Variants in GALNT18 observed in about 807,000 individuals in gnomAD.
The protein encoded by GALNT18 is polypeptide N-acetylgalactosaminyltransferase 18.
Under a neutral mutation model 69.5 loss-of-function variants are expected in GALNT18, and 44 were observed. That is an observed-to-expected ratio of 0.63 (90% CI 0.50 to 0.81). GALNT18 has a LOEUF of 0.81. GALNT18 is among the 40% of genes least tolerant of loss of function. The pLI, the probability that GALNT18 is intolerant of heterozygous loss-of-function variation, is 0.00. For missense variants in GALNT18, 715 were observed against 810.0 expected (o/e 0.88, Z 1.42); for synonymous variants, 364 against 318.2 (o/e 1.14, Z -1.53).
rs1589979588 is a variant in GALNT18 at position 11,411,454 on chromosome 11, T to C, written c.595+21167A>G. Among the ~76,000 whole-genome samples, 3 of 152,216 alleles carry C rather than the reference T, an allele frequency of 2.0e-5. No homozygotes were observed. In the East Asian group the frequency reaches 5.8e-4, roughly 29 times the overall value. On this transcript the variant is annotated intron_variant, in intron 3 of 10. Coordinates refer to ENST00000227756, the MANE Select transcript of GALNT18 (RefSeq NM_198516.3). ...CTGCTTCTTTTAGGCTCCCACAGAATCTAGTACAGCTCTGGGCTCCACGGG... is the reference window on the plus strand; with the variant it reads ...CTGCTTCTTTTAGGCTCCCACAGAACCTAGTACAGCTCTGGGCTCCACGGG...
intron 1 of GALNT18, among the ~76,000 whole-genome samples, chr11:11,577,478 C>T (rs984044348): frequency 7.9e-5 from 12 of 152,200 alleles, no homozygotes; most frequent in African/African-American, 2.9e-4. Flanking sequence ...GGAAGCCACT[C>T]ACACACTGCA....
chr11:11,610,543 G>T (rs889872592), intron 1 of GALNT18, among the ~76,000 whole-genome samples: 10 of 151,818 alleles, frequency 6.6e-5, no homozygotes, highest in South Asian at 2.1e-4. Flanking sequence ...TTCCTCACTG[G>T]TTTTTTTTCC....
intron 6 of GALNT18, among the ~76,000 whole-genome samples, chr11:11,371,471 T>A (rs930332511): frequency 6.6e-6 from 1 of 152,194 alleles, no homozygotes; most frequent in Non-Finnish European, 1.5e-5. Flanking sequence ...ACCAGACAGA[T>A]GAGGTCTGCA....
intron 3 of GALNT18, among the ~76,000 whole-genome samples, chr11:11,429,417 T>TA (rs1249133523): frequency 2.0e-4 from 31 of 152,356 alleles, no homozygotes; most frequent in African/African-American, 6.5e-4. Context: ...GTCAATGGCT[T>TA]TAATTACTCC....
intron 1 of GALNT18, among the ~76,000 whole-genome samples, chr11:11,509,947 C>T (rs890390813): frequency 3.3e-5 from 5 of 152,242 alleles, no homozygotes; most frequent in Non-Finnish European, 5.9e-5. Context: ...GACACAGCAT[C>T]GGTGGTCACA....
At chr11:11,406,856 C>T (rs1363549637) in intron 3 of GALNT18, among the ~76,000 whole-genome samples, 1 of 152,212 alleles carries the variant, frequency 6.6e-6, no homozygotes, top group South Asian at 2.1e-4. Flanking sequence ...CCATCCCCGC[C>T]CTTTTGGAAG....
In GALNT18 at chr11:11,302,545, A is replaced by G. The variant is rs1564887420; in HGVS notation, c.1513-9352T>C. On this transcript the variant is annotated intron_variant, in intron 9 of 10. Transcript: ENST00000227756. Reference sequence around the variant, plus strand: ...GCTTTCTCCAGCAAAGTGCCTTGACACAGATGGGAGCTGCAAACAAAAGCC... The same window carrying G: ...GCTTTCTCCAGCAAAGTGCCTTGACGCAGATGGGAGCTGCAAACAAAAGCC... Among the ~76,000 whole-genome samples the G allele has an allele frequency of 2.0e-5, 3 of 152,180 alleles. No homozygotes were observed. The South Asian group carries it at 6.2e-4, about 32-fold the overall frequency.
Position 11,332,952 on chromosome 11 carries a change from G to A in GALNT18, c.1279-121C>T, listed in dbSNP as rs1850045749. 9.4e-7 allele frequency: 1 copy of A among 1,068,670 alleles called. No individual in the cohort carries two copies. 66.2% of individuals were successfully genotyped at this position (1,068,670 alleles called of 1,614,324 possible). A position where few individuals can be genotyped will look rare whatever the true frequency, so the allele number is the denominator to read the frequency against. On this transcript the variant is annotated intron_variant, in intron 7 of 10. Transcript: ENST00000227756. This position sits in a 1 kb window ranked among gnomAD's most constrained non-coding sequence, Gnocchi z 4.3. ...TCCTAGAGACTGGGGAAGGGACCAT[G>A]TGGCACGTTAACTCTTGCATTTTCC...
chr11:11,481,795 A>G (rs531516179), intron 1 of GALNT18, among the ~76,000 whole-genome samples: 3 of 152,164 alleles, frequency 2.0e-5, no homozygotes, highest in East Asian at 1.9e-4. Context: ...GGATGTCATC[A>G]CCCCTCCTAC....
Position 11,620,923 on chromosome 11 carries a change from C to A in GALNT18, c.235+436G>T, listed in dbSNP as rs1860177364. ...CCAATAGTCAGGGCCGCCGCGCGGG[C>A]ATCTCGCCTGACGCCTACAGTGGCC... On this transcript the variant is annotated intron_variant, in intron 1 of 10. Transcript: ENST00000227756. This position sits in a 1 kb window ranked among gnomAD's most constrained non-coding sequence, Gnocchi z 6.9. 1.4e-5 allele frequency among the ~76,000 whole-genome samples: 2 copies of A among 147,472 alleles called. No individual in the cohort carries two copies. Among genetic ancestry groups the A allele is most frequent in the Non-Finnish European group, 3.0e-5 (2 of 66,600 alleles).
In GALNT18 at chr11:11,605,553, C is replaced by T. The variant is rs1192695833; in HGVS notation, c.235+15806G>A. On this transcript the variant is annotated intron_variant, in intron 1 of 10. Coordinates refer to ENST00000227756, the MANE Select transcript of GALNT18 (RefSeq NM_198516.3). This position sits in a 1 kb window ranked among gnomAD's most constrained non-coding sequence, Gnocchi z 4.7. Reference sequence around the variant, plus strand: ...TCTGCTTCAGAGGGAAAGCCAGAGGCCAACTTCCCTTTACCTCTGGGGTCC... The same window carrying T: ...TCTGCTTCAGAGGGAAAGCCAGAGGTCAACTTCCCTTTACCTCTGGGGTCC... Among the ~76,000 whole-genome samples the T allele has an allele frequency of 6.6e-6, 1 of 152,168 alleles. No homozygotes were observed. The highest frequency in any genetic ancestry group is 1.9e-4 in the East Asian group (1 of 5,178).
In GALNT18 at chr11:11,338,627, C is replaced by CT. The variant is rs941423689; in HGVS notation, c.1278+2191dup. Among the ~76,000 whole-genome samples the CT allele has an allele frequency of 2.6e-5, 4 of 152,158 alleles. No homozygotes were observed. The highest frequency in any genetic ancestry group is 9.7e-5 in the African/African-American group (4 of 41,430). On this transcript the variant is annotated intron_variant, in intron 7 of 10. Transcript: ENST00000227756. The surrounding 1 kb of genome is among the most constrained non-coding windows in gnomAD (Gnocchi z 5.3). ...GGCTGGTCAGAGTCATTCTGAGTGC[C>CT]TGTGGGAATGGCCAAGAGGAGATGT...
rs1859250795 is a variant in GALNT18 at position 11,587,326 on chromosome 11, A to G, written c.235+34033T>C. 6.6e-6 allele frequency among the ~76,000 whole-genome samples: 1 copy of G among 152,236 alleles called. No homozygotes were observed. The highest frequency in any genetic ancestry group is 1.5e-5 in the Non-Finnish European group (1 of 68,038). ...AAAGGGGAAGCATTCCACAGAGTTGAGCACTGGCTGGAAATGCCATGATTC... is the reference window on the plus strand; with the variant it reads ...AAAGGGGAAGCATTCCACAGAGTTGGGCACTGGCTGGAAATGCCATGATTC... On this transcript the variant is annotated intron_variant, in intron 1 of 10. Coordinates refer to ENST00000227756, the MANE Select transcript of GALNT18 (RefSeq NM_198516.3). This position sits in a 1 kb window ranked among gnomAD's most constrained non-coding sequence, Gnocchi z 4.4.
At chr11:11,434,348 A>C (rs761750197) in intron 2 of GALNT18, among the ~76,000 whole-genome samples, 6 of 152,164 alleles carry the variant, frequency 3.9e-5, no homozygotes, top group Non-Finnish European at 7.3e-5. Flanking sequence ...CTTGCATTTA[A>C]TGGAATAAAT....
chr11:11,595,209 G>A lies in GALNT18; in HGVS notation c.235+26150C>T, dbSNP rs1859470994. Among the ~76,000 whole-genome samples, 1 of 152,012 alleles carries A rather than the reference G, an allele frequency of 6.6e-6. No homozygotes were observed. Among genetic ancestry groups the A allele is most frequent in the South Asian group, 2.1e-4 (1 of 4,826 alleles). On this transcript the variant is annotated intron_variant, in intron 1 of 10. Coordinates refer to ENST00000227756, the MANE Select transcript of GALNT18 (RefSeq NM_198516.3). This position sits in a 1 kb window ranked among gnomAD's most constrained non-coding sequence, Gnocchi z 5.2. ...CATATGTTGAAATCTAATCACCAAGGTGATGTCTTTAGAAGGTGGGGCCCT... is the reference window on the plus strand; with the variant it reads ...CATATGTTGAAATCTAATCACCAAGATGATGTCTTTAGAAGGTGGGGCCCT...
Position 11,454,202 on chromosome 11 carries a change from C to T in GALNT18, c.236-5266G>A, listed in dbSNP as rs1477061408. 6.6e-6 allele frequency among the ~76,000 whole-genome samples: 1 copy of T among 152,188 alleles called. No individual in the cohort carries two copies. Among genetic ancestry groups the T allele is most frequent in the Non-Finnish European group, 1.5e-5 (1 of 68,032 alleles). ...AAAGCCAGTGAAGGCATGGCCGGGG[C>T]AAATTCCAGCTGTGTGCAGTTAATT... On this transcript the variant is annotated intron_variant, in intron 1 of 10. Coordinates refer to ENST00000227756, the MANE Select transcript of GALNT18 (RefSeq NM_198516.3). The surrounding 1 kb of genome is among the most constrained non-coding windows in gnomAD (Gnocchi z 4.2).
chr11:11,298,774 C>T (rs1367674196), intron 9 of GALNT18, among the ~76,000 whole-genome samples: 4 of 152,214 alleles, frequency 2.6e-5, no homozygotes, highest in African/African-American at 9.7e-5. Context: ...TTTCATATAA[C>T]ATTTTCTTTG....
chr11:11,279,292 G>T (rs891468270), intron 10 of GALNT18, among the ~76,000 whole-genome samples: 8 of 152,070 alleles, frequency 5.3e-5, no homozygotes, highest in African/African-American at 1.9e-4. Context: ...AGCAATGCAA[G>T]AATGGCCTAA....
intron 1 of GALNT18, among the ~76,000 whole-genome samples, chr11:11,524,791 T>C (rs909111720): frequency 5.9e-5 from 9 of 152,226 alleles, no homozygotes; most frequent in East Asian, 3.8e-4. Flanking sequence ...GTCCATACCA[T>C]TGTCTAGTGA....
Sources: allele counts gnomAD v4.1 joint callset (sites outside exome capture counted in the v4.1 genomes callset), GRCh38; gene constraint gnomAD v4.1.1; non-coding constraint Gnocchi (gnomAD v3.1); transcripts MANE v1.5; gene names NCBI Gene and HGNC (gene_info 2026-07-23, HGNC 2026-07-21).